Variants in COL3A1 observed in about 807,000 individuals in gnomAD.
COL3A1 encodes the protein collagen type III alpha 1 chain, also known as collagen alpha-1(III) chain.
In COL3A1, 46 loss-of-function variants were observed where a neutral mutation model predicts 200.9. The observed-to-expected ratio is 0.23, with a 90% CI of 0.18 to 0.29. COL3A1 has a LOEUF of 0.29. Ranked by LOEUF, COL3A1 falls within the 10% of genes least tolerant of loss-of-function variation. The pLI, the probability that COL3A1 is intolerant of heterozygous loss-of-function variation, is 1.00. For synonymous variants in COL3A1, 650 were observed against 628.0 expected, an observed-to-expected ratio of 1.03 and a Z score of -0.52; for missense variants, 1,367 against 1,917.6, an observed-to-expected ratio of 0.71 and a Z score of 5.36.
rs1330644414 is a variant in COL3A1 at position 189,001,989 on chromosome 2, T to C, written c.2392-309T>C. Among the ~76,000 whole-genome samples the C allele has an allele frequency of 3.9e-5, 6 of 152,160 alleles. No homozygotes were observed. The East Asian group carries it at 1.2e-3, about 29-fold the overall frequency. On this transcript the variant is annotated intron_variant, in intron 34 of 50. Coordinates refer to ENST00000304636, the MANE Select transcript of COL3A1 (RefSeq NM_000090.4). ...TTTTTAAAAATAAATCAGTTAATTT[T>C]TCAGTTAAGCTTCTACCATATATTG...
intron 44 of COL3A1, among the ~76,000 whole-genome samples, 161 bp downstream of exon 44, chr2:189,007,151 TATAGATAGATGATAG>T (rs1211281021): frequency 6.6e-4 from 70 of 105,348 alleles, no homozygotes; most frequent in Admixed American, 2.2e-3. Context: ...TTGTTCTATC[TATAGATAGATGATAG>T]ATAGATAGAT....
chr2:188,990,893 T>A (rs1251580931), intron 10 of COL3A1, 111 bp from the exon 11 acceptor site: 11 of 1,038,388 alleles, frequency 1.1e-5, no homozygotes, highest in Non-Finnish European at 1.6e-5. Flanking sequence ...TTAAGCTAAT[T>A]TTGCAAGTAG....
intron 43 of COL3A1, 24 bp downstream of exon 43, chr2:189,006,476 G>T (rs2153503736): frequency 6.2e-7 from 1 of 1,605,514 alleles, no homozygotes; most frequent in Admixed American, 1.7e-5. Context: ...AGCAGCATCT[G>T]TCTTGTTTGT....
At chr2:189,002,917 A>G (rs749186950) in intron 35 of COL3A1, 38 bp from the exon 36 acceptor site, 48 of 1,353,886 alleles carry the variant, frequency 3.5e-5, no homozygotes, top group Non-Finnish European at 4.6e-5. Flanking sequence ...TATCATAAAG[A>G]GTGTCAGCTG....
rs774439359 is a variant in COL3A1, at chr2:188,998,728, C to G, written c.2022+10C>G. 1.9e-6 allele frequency: 3 copies of G among 1,612,882 alleles called. No homozygotes were observed. The African/African-American group carries it at 4.0e-5, about 22-fold the overall frequency. ...AGCTCCAGGAGGCAAGGTAGTATTT[C>G]AATTTATTCTCTACCTTCTTCAGCA... On this transcript the variant is annotated intron_variant, in intron 29 of 50. Coordinates refer to ENST00000304636, the MANE Select transcript of COL3A1 (RefSeq NM_000090.4).
At chr2:189,009,270 G>A in intron 48 of COL3A1, 49 bp downstream of exon 48, 1 of 1,608,054 alleles carries the variant, frequency 6.2e-7, no homozygotes, top group Non-Finnish European at 8.5e-7. Context: ...TACAGAGAAA[G>A]CTGCTTAGAT....
chr2:188,985,929 G>A, intron 4 of COL3A1, 151 bp downstream of exon 4: 2 of 666,426 alleles, frequency 3.0e-6, no homozygotes, highest in South Asian at 3.6e-5. Flanking sequence ...GTGCTTCTAT[G>A]TATTAGGCAC....
In COL3A1 at chr2:189,003,801, A is replaced by G. The variant is rs1688524640; in HGVS notation, c.2661+14A>G. On this transcript the variant is annotated intron_variant, in intron 38 of 50. Transcript: ENST00000304636. Reference sequence around the variant, plus strand: ...CCTGGTAGTAATGTAAGTAATTGTTAAAGTCTTTTCTCATCATACACTTCA... The same window carrying G: ...CCTGGTAGTAATGTAAGTAATTGTTGAAGTCTTTTCTCATCATACACTTCA... The G allele has an allele frequency of 6.2e-7, 1 of 1,613,744 alleles. No homozygotes were observed. The highest frequency in any genetic ancestry group is 8.5e-7 in the Non-Finnish European group (1 of 1,179,764).
At chr2:188,977,938 T>C (rs1413073854) in intron 1 of COL3A1, among the ~76,000 whole-genome samples, 6 of 152,018 alleles carry the variant, frequency 3.9e-5, no homozygotes, top group African/African-American at 1.4e-4. Flanking sequence ...AAAGAAATTA[T>C]CACCAGTTCT....
At chr2:189,002,630 G>A (rs1688493228) in intron 35 of COL3A1, among the ~76,000 whole-genome samples, 1 of 152,120 alleles carries the variant, frequency 6.6e-6, no homozygotes, top group South Asian at 2.1e-4. Flanking sequence ...TCCATTATAA[G>A]ATGGTACTAA....
At chr2:188,990,747 A>G (rs758347048) in intron 10 of COL3A1, among the ~76,000 whole-genome samples, 31 of 152,178 alleles carry the variant, frequency 2.0e-4, no homozygotes, top group Admixed American at 2.6e-4. Context: ...AATAAAATCT[A>G]TGAAACTCAT....
rs1688741231 is a variant in COL3A1, at chr2:189,012,059, C to A, written c.*285C>A. On this transcript the variant is annotated 3_prime_UTR_variant, in exon 51 of 51. Transcript: ENST00000304636. ...ACTTCAACACTCTTTATGATAACAA[C>A]ACTGTGTTATATTCTTTGAATCCTA... The A allele has an allele frequency of 7.0e-6, 3 of 427,224 alleles. No homozygotes were observed. The highest frequency in any genetic ancestry group is 4.4e-5 in the South Asian group (2 of 44,988). 26.5% of individuals were successfully genotyped at this position (427,224 alleles called of 1,614,324 possible).
chr2:189,000,204 TAA>T (rs774179686), intron 32 of COL3A1, among the ~76,000 whole-genome samples: 32 of 152,312 alleles, frequency 2.1e-4, no homozygotes, highest in Non-Finnish European at 4.0e-4. Context: ...ATTAAGAAAC[TAA>T]AAGTCATCAA....
chr2:188,990,537 A>C (rs566362561), intron 10 of COL3A1, among the ~76,000 whole-genome samples, 177 bp downstream of exon 10: 20 of 152,294 alleles, frequency 1.3e-4, no homozygotes, highest in Non-Finnish European at 2.4e-4. Flanking sequence ...TTGCAAAATA[A>C]AGGAGTTGAT....
In COL3A1 at chr2:188,982,464, T is replaced by C. The variant is rs1391729730; in HGVS notation, c.80-2296T>C. On this transcript the variant is annotated intron_variant, in intron 1 of 50. Coordinates refer to ENST00000304636, the MANE Select transcript of COL3A1 (RefSeq NM_000090.4). ...ACACAGGAGGGAAAAGTATTTATGT[T>C]AATTTCTAGGCAGATCAAGAACATA... Among the ~76,000 whole-genome samples the C allele has an allele frequency of 3.9e-5, 6 of 151,912 alleles. No individual in the cohort carries two copies. In the East Asian group the frequency reaches 9.7e-4, roughly 25 times the overall value.
intron 13 of COL3A1, 79 bp downstream of exon 13, chr2:188,991,801 A>T: frequency 6.9e-7 from 1 of 1,456,316 alleles, no homozygotes; most frequent in South Asian, 1.1e-5. Flanking sequence ...TTCAGGCTGT[A>T]AAAATATGTT....
chr2:188,992,796 TCTTTA>T, intron 14 of COL3A1, 86 bp from the exon 15 acceptor site: 1 of 985,520 alleles, frequency 1.0e-6, no homozygotes. Flanking sequence ...ATAAATATCT[TCTTTA>T]CTTTATATGT....
chr2:188,992,093 A>G, intron 13 of COL3A1, 91 bp from the exon 14 acceptor site: 1 of 1,248,256 alleles, frequency 8.0e-7, no homozygotes, highest in South Asian at 1.2e-5. Flanking sequence ...AAGAAAACTC[A>G]ACTCACTTGA....
intron 1 of COL3A1, among the ~76,000 whole-genome samples, chr2:188,978,973 C>T (rs1007819714): frequency 6.6e-6 from 1 of 151,866 alleles, no homozygotes; most frequent in African/African-American, 2.4e-5. Context: ...GGATTCCTTT[C>T]AGATTAACTA....
Sources: gnomAD v4.1 joint callset for allele counts (sites outside exome capture counted in the v4.1 genomes callset) on GRCh38, gnomAD v4.1.1 for gene constraint, MANE v1.5 for transcripts, NCBI Gene and HGNC (gene_info 2026-07-23, HGNC 2026-07-21) for gene names.